Variants in EEF1AKMT2 observed in about 807,000 individuals in gnomAD.
EEF1AKMT2 encodes the protein eukaryotic translation elongation factor 1 alpha lysine methyltransferase 2.
EEF1AKMT2 carries 32 observed loss-of-function variants against 35.8 expected under a neutral mutation model. The ratio of observed to expected loss-of-function variants is 0.89; its 90% CI spans 0.67 to 1.20. The LOEUF (loss-of-function observed/expected upper bound fraction) is 1.20, where lower values mean the gene tolerates loss of function less well. Ranked by LOEUF, EEF1AKMT2 falls within the 50% of genes most tolerant of loss-of-function variation. The pLI is 0.00. For missense variants in EEF1AKMT2, 330 were observed against 347.5 expected, an observed-to-expected ratio of 0.95 and a Z score of 0.40; for synonymous variants, 121 against 133.7, an observed-to-expected ratio of 0.91 and a Z score of 0.65.
At chr10:124,780,580 A>T (rs867650953) in intron 3 of EEF1AKMT2, among the ~76,000 whole-genome samples, 42 of 152,314 alleles carry the variant, frequency 2.8e-4, no homozygotes, top group Middle Eastern at 6.8e-3. Context: ...CTTTTAAAAA[A>T]TTGAACCTGT....
intron 5 of EEF1AKMT2, 116 bp downstream of exon 5, chr10:124,765,276 C>T (rs977429218): frequency 1.1e-5 from 9 of 789,752 alleles, no homozygotes; most frequent in Non-Finnish European, 1.9e-5. Flanking sequence ...GAGAAAAAAG[C>T]AGGCAATTCC....
chr10:124,768,547 C>A (rs1950400681), intron 4 of EEF1AKMT2, among the ~76,000 whole-genome samples: 1 of 152,084 alleles, frequency 6.6e-6, no homozygotes, highest in South Asian at 2.1e-4. Flanking sequence ...GAGTTCAAGG[C>A]CAGCCTGAGC....
intron 3 of EEF1AKMT2, among the ~76,000 whole-genome samples, chr10:124,778,897 T>C (rs1369069458): frequency 2.0e-5 from 3 of 151,934 alleles, no homozygotes; most frequent in Non-Finnish European, 2.9e-5. Context: ...CCTAAAATGA[T>C]ATAGCAAAAA....
In EEF1AKMT2 at chr10:124,759,503, TACTGTA is replaced by T; in HGVS notation, c.*994_*999del. 6.6e-6 allele frequency: 1 copy of T among 152,328 alleles called. No homozygotes were observed. Among genetic ancestry groups the T allele is most frequent in the Admixed American group, 6.5e-5 (1 of 15,312 alleles). The allele number at this position is 152,328 out of a possible 1,614,324, so 9.4% of individuals were successfully genotyped here. On this transcript the variant is annotated 3_prime_UTR_variant, in exon 7 of 7. Transcript: ENST00000368836. ...TGTAATCATCATGGGTCTCCAGCTG[TACTGTA>T]AATGCTACAAAGGCAAAGACTAAGC... is the stretch of plus-strand genomic sequence containing the variant.
In EEF1AKMT2 at chr10:124,759,785, T is replaced by C. The variant is rs1030781888; in HGVS notation, c.*718A>G. ...AATAATAACATTCCTTAGTTCTCTT[T>C]CCTTCTACTACCCTTACAGTGTGTA... On this transcript the variant is annotated 3_prime_UTR_variant, in exon 7 of 7. Coordinates refer to ENST00000368836, the MANE Select transcript of EEF1AKMT2 (RefSeq NM_212554.4). 6.6e-6 allele frequency: 1 copy of C among 152,250 alleles called. No homozygotes were observed. Among genetic ancestry groups the C allele is most frequent in the African/African-American group, 2.4e-5 (1 of 41,484 alleles). 9.4% of individuals were successfully genotyped at this position (152,250 alleles called of 1,614,324 possible). A position where few individuals can be genotyped will look rare whatever the true frequency, so the allele number is the denominator to read the frequency against.
chr10:124,767,028 G>T (rs1950383728), intron 4 of EEF1AKMT2, among the ~76,000 whole-genome samples: 1 of 150,874 alleles, frequency 6.6e-6, no homozygotes. Context: ...AGGAGTGGTG[G>T]TGGGCGCCTG....
intron 3 of EEF1AKMT2, among the ~76,000 whole-genome samples, chr10:124,783,679 C>T (rs1342482847): frequency 6.6e-6 from 1 of 152,166 alleles, no homozygotes; most frequent in East Asian, 1.9e-4. Context: ...AGGTCTCACT[C>T]TGTCACCCAG....
intron 4 of EEF1AKMT2, among the ~76,000 whole-genome samples, chr10:124,774,392 A>AG (rs1950469519): frequency 6.7e-6 from 1 of 148,880 alleles, no homozygotes; most frequent in Non-Finnish European, 1.5e-5. Context: ...AAAAAAAAAA[A>AG]AAAAAAAAAA....
chr10:124,780,969 C>T (rs573442269), intron 3 of EEF1AKMT2, among the ~76,000 whole-genome samples: 1 of 151,226 alleles, frequency 6.6e-6, no homozygotes, highest in African/African-American at 2.4e-5. Context: ...TTTTTTGAGA[C>T]GGAGTCTTGC....
intron 3 of EEF1AKMT2, among the ~76,000 whole-genome samples, chr10:124,787,487 T>TC (rs981864029): frequency 2.3e-5 from 3 of 131,826 alleles, no homozygotes; most frequent in African/African-American, 8.3e-5. Context: ...TAGCACACCC[T>TC]AAAGAGTTTC....
At chr10:124,762,586 T>C in intron 5 of EEF1AKMT2, 28 bp from the exon 6 acceptor site, 1 of 1,085,872 alleles carries the variant, frequency 9.2e-7, no homozygotes, top group Non-Finnish European at 1.1e-6. Context: ...AGACAGACCG[T>C]TTCAAAAACA....
At chr10:124,773,217 T>C (rs1412605396) in intron 4 of EEF1AKMT2, among the ~76,000 whole-genome samples, 1 of 152,164 alleles carries the variant, frequency 6.6e-6, no homozygotes, top group African/African-American at 2.4e-5. Flanking sequence ...TTTTGTTTTT[T>C]GAGACGCAGT....
intron 1 of EEF1AKMT2, 25 bp from the exon 2 acceptor site, chr10:124,790,363 C>G (rs781059843): frequency 7.2e-6 from 11 of 1,536,220 alleles, no homozygotes; most frequent in Non-Finnish European, 9.9e-6. Flanking sequence ...AAATGCAAAG[C>G]AAGACTCTTG....
intron 3 of EEF1AKMT2, among the ~76,000 whole-genome samples, chr10:124,776,020 C>T (rs1017389264): frequency 6.6e-6 from 1 of 151,940 alleles, no homozygotes; most frequent in African/African-American, 2.4e-5. Flanking sequence ...CGGGTTCACA[C>T]CATTCTCCCA....
At chr10:124,764,659 G>A (rs928811732) in intron 5 of EEF1AKMT2, among the ~76,000 whole-genome samples, 1 of 152,144 alleles carries the variant, frequency 6.6e-6, no homozygotes, top group Non-Finnish European at 1.5e-5. Context: ...CTGAAACCAA[G>A]AACTGTTCTA....
intron 4 of EEF1AKMT2, among the ~76,000 whole-genome samples, chr10:124,768,665 G>C (rs1351178087): frequency 6.6e-6 from 1 of 151,784 alleles, no homozygotes; most frequent in Non-Finnish European, 1.5e-5. Context: ...AATGAGAATT[G>C]CTTGAACTCA....
At position 124,766,479 on chromosome 10, in the gene EEF1AKMT2, C is replaced by T. The variant is rs2629554; in HGVS notation, c.400-871G>A. ...TAATAACCTGATGCATACTAAGCAT[C>T]GGAAATAGCAATCCGCCTCAATTTT... On this transcript the variant is annotated intron_variant, in intron 4 of 6. Transcript: ENST00000368836. 1.6e-3 allele frequency among the ~76,000 whole-genome samples: 241 copies of T among 152,032 alleles called. 10 individuals carry two copies. Among genetic ancestry groups the T allele is most frequent in the Non-Finnish European group, 1.4e-3 (93 of 68,026 alleles).
In EEF1AKMT2 at chr10:124,772,918, G is replaced by A. The variant is rs181206151; in HGVS notation, c.399+1757C>T. ...TATCTGGAGCACTAAAACTTTCTCC[G>A]TAACAGCAATAAGGCTGTTTGACTT... On this transcript the variant is annotated intron_variant, in intron 4 of 6. Transcript: ENST00000368836. Among the ~76,000 whole-genome samples the A allele has an allele frequency of 2.3e-3, 353 of 152,174 alleles. 3 individuals carry two copies. The highest frequency in any genetic ancestry group is 8.3e-3 in the African/African-American group (342 of 41,454).
chr10:124,762,219 T>C (rs1049410619), intron 6 of EEF1AKMT2, 81 bp downstream of exon 6: 3 of 955,250 alleles, frequency 3.1e-6, no homozygotes, highest in Admixed American at 8.6e-5. Flanking sequence ...AATAAGGTAA[T>C]GTAGTGTTTT....
Sources: gnomAD v4.1 joint callset for allele counts (sites outside exome capture counted in the v4.1 genomes callset) on GRCh38, gnomAD v4.1.1 for gene constraint, MANE v1.5 for transcripts, NCBI Gene and HGNC (gene_info 2026-07-23, HGNC 2026-07-21) for gene names.